Variants in EFCAB6 observed in about 807,000 individuals in gnomAD.
EFCAB6 encodes the protein EF-hand calcium-binding domain-containing protein 6.
A neutral mutation model predicts 169.8 loss-of-function variants in EFCAB6; 156 were observed. That is an observed-to-expected ratio of 0.92 (90% CI 0.81 to 1.05). The LOEUF is 1.05. EFCAB6 is among the 50% of genes least tolerant of loss of function. The pLI, the probability that EFCAB6 is intolerant of heterozygous loss-of-function variation, is 0.00. For missense variants in EFCAB6, 1,800 were observed against 1,829.1 expected (o/e 0.98, Z 0.29); for synonymous variants, 698 against 676.4 (o/e 1.03, Z -0.50).
chr22:43,687,435 T>C (rs2058240344), intron 11 of EFCAB6, 36 bp downstream of exon 11: 1 of 1,217,530 alleles, frequency 8.2e-7, no homozygotes. Flanking sequence ...ATGATATGTG[T>C]AACTAAAATT....
intron 26 of EFCAB6, among the ~76,000 whole-genome samples, chr22:43,563,765 C>T (rs909259650): frequency 1.3e-5 from 2 of 152,178 alleles, no homozygotes; most frequent in African/African-American, 2.4e-5. Context: ...ATGAATGATC[C>T]GAGGATGGTG....
intron 10 of EFCAB6, among the ~76,000 whole-genome samples, chr22:43,710,100 AG>A (rs1182440320): frequency 3.3e-5 from 5 of 152,200 alleles, no homozygotes; most frequent in African/African-American, 1.2e-4. Context: ...CCCCCAAAAA[AG>A]GTTCTCTGTC....
intron 24 of EFCAB6, among the ~76,000 whole-genome samples, chr22:43,587,759 C>T (rs2051174477): frequency 6.6e-6 from 1 of 152,134 alleles, no homozygotes; most frequent in South Asian, 2.1e-4. Context: ...TTCCAGGAAT[C>T]AGGAACTGTA....
chr22:43,738,598 C>G (rs968001862), intron 6 of EFCAB6, among the ~76,000 whole-genome samples: 1 of 152,070 alleles, frequency 6.6e-6, no homozygotes, highest in African/African-American at 2.4e-5. Context: ...CACACCATCA[C>G]TCACACACAT....
At chr22:43,531,932 G>A (rs1322315265) in intron 30 of EFCAB6, 1 of 152,162 alleles carries the variant, frequency 6.6e-6, no homozygotes, top group Admixed American at 6.5e-5. Context: ...TAATGGGGTG[G>A]AGAAAGCTCC....
At chr22:43,558,568 T>G (rs1308116695) in intron 26 of EFCAB6, among the ~76,000 whole-genome samples, 1 of 152,186 alleles carries the variant, frequency 6.6e-6, no homozygotes, top group South Asian at 2.1e-4. Flanking sequence ...AAATCGTTCA[T>G]GAAAGAGACA....
chr22:43,667,386 C>T (rs1392325796), intron 16 of EFCAB6, 114 bp from the exon 17 acceptor site: 9 of 1,313,866 alleles, frequency 6.9e-6, no homozygotes, highest in Middle Eastern at 2.0e-4. Context: ...TTCCCATCCT[C>T]GGTTCACTAG....
chr22:43,588,766 G>C (rs1277919038), intron 24 of EFCAB6, among the ~76,000 whole-genome samples: 1 of 152,050 alleles, frequency 6.6e-6, no homozygotes, highest in Non-Finnish European at 1.5e-5. Context: ...GATTAAATTG[G>C]GGATTTAATT....
intron 8 of EFCAB6, among the ~76,000 whole-genome samples, chr22:43,721,051 C>G (rs1344654622): frequency 1.3e-5 from 2 of 152,086 alleles, no homozygotes; most frequent in South Asian, 4.1e-4. Context: ...AATCAATGTA[C>G]AAAAATCAGT....
intron 5 of EFCAB6, among the ~76,000 whole-genome samples, chr22:43,764,571 T>G (rs2061268343): frequency 6.6e-6 from 1 of 152,212 alleles, no homozygotes; most frequent in South Asian, 2.1e-4. Flanking sequence ...ATGGGATTGC[T>G]GGGTCCAATG....
intron 22 of EFCAB6, 43 bp from the exon 23 acceptor site, chr22:43,600,306 G>GT (rs1355039143): frequency 6.3e-7 from 1 of 1,594,020 alleles, no homozygotes; most frequent in Admixed American, 1.7e-5. Flanking sequence ...TCAGTAGCCA[G>GT]TAAGGTGTGC....
At chr22:43,591,717 T>A (rs1382765938) in intron 23 of EFCAB6, among the ~76,000 whole-genome samples, 1 of 152,184 alleles carries the variant, frequency 6.6e-6, no homozygotes, top group African/African-American at 2.4e-5. Context: ...CGCTCCCAGC[T>A]TCAGGGATGA....
At position 43,546,519 on chromosome 22, in the gene EFCAB6, A is replaced by G. The variant is rs189857774; in HGVS notation, c.3649-6162T>C. Among the ~76,000 whole-genome samples the G allele has an allele frequency of 7.2e-5, 11 of 152,324 alleles. 1 individual carries two copies. The highest frequency in any genetic ancestry group is 5.9e-4 in the Admixed American group (9 of 15,284). ...ATTTTTAAAAAATTGAGAGGAAATC[A>G]CTGTCAATTTAAAATTCTCTACCCA... is the stretch of plus-strand genomic sequence containing the variant. On this transcript the variant is annotated intron_variant, in intron 27 of 31. Coordinates refer to ENST00000262726, the MANE Select transcript of EFCAB6 (RefSeq NM_022785.4).
chr22:43,675,860 A>G (rs2057734460), intron 13 of EFCAB6, among the ~76,000 whole-genome samples: 1 of 151,328 alleles, frequency 6.6e-6, no homozygotes, highest in Admixed American at 6.6e-5. Context: ...AAATGCCCAC[A>G]TGTTTTGGGC....
At chr22:43,756,369 C>A (rs1289772622) in intron 5 of EFCAB6, among the ~76,000 whole-genome samples, 1 of 152,202 alleles carries the variant, frequency 6.6e-6, no homozygotes, top group Non-Finnish European at 1.5e-5. Context: ...CCCTTAACGG[C>A]TCACTTTCAG....
At chr22:43,543,854 G>C (rs1011320146) in intron 27 of EFCAB6, among the ~76,000 whole-genome samples, 4 of 152,070 alleles carry the variant, frequency 2.6e-5, no homozygotes, top group African/African-American at 9.7e-5. Context: ...AAGACCCTCC[G>C]GCAGCCCCAG....
At chr22:43,532,414 A>G (rs1313581836) in intron 30 of EFCAB6, among the ~76,000 whole-genome samples, 3 of 152,360 alleles carry the variant, frequency 2.0e-5, no homozygotes, top group African/African-American at 7.2e-5. Flanking sequence ...ACAGATCTCC[A>G]GAAGGAGAAA....
At chr22:43,539,372 A>G (rs2047560298) in intron 28 of EFCAB6, among the ~76,000 whole-genome samples, 1 of 152,214 alleles carries the variant, frequency 6.6e-6, no homozygotes, top group South Asian at 2.1e-4. Context: ...AAACTCCACA[A>G]GAGCAGGAAC....
chr22:43,533,223 AATG>A (rs2047184734), intron 30 of EFCAB6: 2 of 152,220 alleles, frequency 1.3e-5, no homozygotes, highest in African/African-American at 4.8e-5. Flanking sequence ...TTCCGCCAAA[AATG>A]ATGACGAGAG....
Sources: gnomAD v4.1 joint callset for allele counts (sites outside exome capture counted in the v4.1 genomes callset) on GRCh38, gnomAD v4.1.1 for gene constraint, MANE v1.5 for transcripts, NCBI Gene and HGNC (gene_info 2026-07-23, HGNC 2026-07-21) for gene names.